COA1: variants seen among roughly 807,000 people sequenced by gnomAD.
COA1 encodes cytochrome c oxidase assembly factor 1.
COA1 carries 13 observed loss-of-function variants against 16.0 expected under a neutral mutation model. The observed-to-expected ratio is 0.81, with a 90% CI of 0.53 to 1.29. The LOEUF (loss-of-function observed/expected upper bound fraction) is 1.29. Ranked by LOEUF, COA1 falls within the 50% of genes most tolerant of loss-of-function variation. The pLI is 0.00. For missense variants in COA1, 179 were observed against 177.0 expected, an observed-to-expected ratio of 1.01 and a Z score of -0.06; for synonymous variants, 65 against 65.7, an observed-to-expected ratio of 0.99 and a Z score of 0.05.
At chr7:43,720,393 G>C (rs2095482405) in intron 1 of COA1, among the ~76,000 whole-genome samples, 1 of 152,052 alleles carries the variant, frequency 6.6e-6, no homozygotes, top group South Asian at 2.1e-4. Context: ...ATCTAAGTAT[G>C]ATGGACTAGA....
intron 1 of COA1, among the ~76,000 whole-genome samples, chr7:43,726,005 C>G (rs2095609876): frequency 6.6e-6 from 1 of 151,788 alleles, no homozygotes; most frequent in South Asian, 2.1e-4. Context: ...AACACAATAG[C>G]TACACTCAAC....
downstream of COA1, among the ~76,000 whole-genome samples, chr7:43,634,912 G>A (rs190819645): frequency 5.8e-4 from 89 of 152,272 alleles, no homozygotes; most frequent in African/African-American, 2.1e-3. Flanking sequence ...CAGGGAAATC[G>A]ATGCTGTGTT....
intron 1 of COA1, among the ~76,000 whole-genome samples, chr7:43,695,711 C>T (rs201161314): frequency 2.0e-5 from 3 of 150,842 alleles, no homozygotes; most frequent in Admixed American, 1.4e-4. Context: ...TCTGGTAAAA[C>T]CAAGAGTGAC....
At chr7:43,681,449 ATAT>A (rs1434590448) in intron 1 of COA1, among the ~76,000 whole-genome samples, 1 of 152,216 alleles carries the variant, frequency 6.6e-6, no homozygotes, top group Non-Finnish European at 1.5e-5. Flanking sequence ...ATCATATTCA[ATAT>A]TATTTTTAAG....
intron 3 of COA1, chr7:43,646,550 C>T (rs1445522928): frequency 6.6e-6 from 3 of 456,658 alleles, no homozygotes; most frequent in Admixed American, 4.7e-5. Context: ...CAGTCGGCTG[C>T]AGTGCCCAGG....
At chr7:43,723,011 G>GATAAT (rs1328173496) in intron 1 of COA1, among the ~76,000 whole-genome samples, 3 of 152,164 alleles carry the variant, frequency 2.0e-5, no homozygotes, top group Admixed American at 2.0e-4. Context: ...CATCTCTCCT[G>GATAAT]ATAATATACT....
At chr7:43,653,625 C>A (rs1165308974) in intron 1 of COA1, among the ~76,000 whole-genome samples, 1 of 152,068 alleles carries the variant, frequency 6.6e-6, no homozygotes, top group East Asian at 1.9e-4. Flanking sequence ...AATCACGAGG[C>A]AAGCTCCCTT....
intron 6 of COA1, among the ~76,000 whole-genome samples, chr7:43,630,384 G>A (rs1347571953): frequency 6.6e-6 from 1 of 152,090 alleles, no homozygotes; most frequent in Non-Finnish European, 1.5e-5. Flanking sequence ...CAGCAGAAAA[G>A]TATCTCAGTT....
chr7:43,708,888 T>C (rs1173386512), intron 1 of COA1, among the ~76,000 whole-genome samples: 1 of 152,220 alleles, frequency 6.6e-6, no homozygotes, highest in Non-Finnish European at 1.5e-5. Context: ...TTAAACATGA[T>C]TTTTGATAAG....
chr7:43,723,973 T>C (rs1407885381), intron 1 of COA1, among the ~76,000 whole-genome samples: 1 of 152,178 alleles, frequency 6.6e-6, no homozygotes, highest in Non-Finnish European at 1.5e-5. Context: ...TGTTTACAAT[T>C]TGGAAAACTA....
intron 1 of COA1, among the ~76,000 whole-genome samples, chr7:43,669,866 C>A (rs557998882): frequency 5.1e-4 from 77 of 152,036 alleles, no homozygotes; most frequent in African/African-American, 1.8e-3. Context: ...TTGGTTCACT[C>A]CCTGACGGAA....
chr7:43,608,462 A>C, exon 7 of COA1: 1 of 1,538,070 alleles, frequency 6.5e-7, no homozygotes, highest in Non-Finnish European at 8.8e-7. Context: ...TAAAATATTT[A>C]ACAGTGATTT....
intron 6 of COA1, chr7:43,625,522 G>A (rs2084410175): frequency 6.6e-6 from 1 of 152,008 alleles, no homozygotes; most frequent in Non-Finnish European, 1.5e-5. Flanking sequence ...ATTATTCTGG[G>A]TTTAGGTGTC....
intron 1 of COA1, among the ~76,000 whole-genome samples, chr7:43,709,424 CTTTG>C (rs912319879): frequency 5.0e-5 from 7 of 140,346 alleles, no homozygotes; most frequent in Non-Finnish European, 3.1e-5. Flanking sequence ...TCTTGATTCA[CTTTG>C]TTTTATTGTG....
chr7:43,686,836 C>A (rs1210470279), intron 1 of COA1, among the ~76,000 whole-genome samples: 28 of 152,124 alleles, frequency 1.8e-4, no homozygotes, highest in Admixed American at 1.8e-3. Context: ...ATGGTACTAC[C>A]CTATAATACA....
intron 1 of COA1, among the ~76,000 whole-genome samples, chr7:43,722,641 G>A (rs2132193977): frequency 6.6e-6 from 1 of 151,786 alleles, no homozygotes; most frequent in South Asian, 2.1e-4. Flanking sequence ...GATCTCAAGT[G>A]ATCCGACTGC....
At position 43,644,799 on chromosome 7, in the gene COA1, C is replaced by CAGAGAG. The variant is rs10627279; in HGVS notation, c.264+446_264+451dup. On this transcript the variant is annotated intron_variant, in intron 4 of 5. Coordinates refer to ENST00000223336, the MANE Select transcript of COA1 (RefSeq NM_018224.4). The stretch of plus-strand genomic sequence containing the variant: ...GCAGGCAGGCAGGCAGGCAGAGAGA[C>CAGAGAG]AGAGAGAGAGAGAGAGAGAGAGAGA... Among the ~76,000 whole-genome samples the CAGAGAG allele has an allele frequency of 1.9e-3, 141 of 75,294 alleles. 5 individuals carry two copies. The highest frequency in any genetic ancestry group is 0.013 in the Middle Eastern group (2 of 158). 49.4% of individuals were successfully genotyped at this position (75,294 alleles called of 152,430 possible).
chr7:43,636,991 C>A (rs1473037395), downstream of COA1, among the ~76,000 whole-genome samples: 1 of 152,218 alleles, frequency 6.6e-6, no homozygotes. Flanking sequence ...CTCATCTACA[C>A]GCTGTCCAAA....
intron 1 of COA1, among the ~76,000 whole-genome samples, chr7:43,668,215 C>T (rs1379650167): frequency 1.3e-5 from 2 of 152,210 alleles, no homozygotes; most frequent in African/African-American, 4.8e-5. Context: ...AAGAATGTCA[C>T]TTTCTAACAG....
Sources: allele counts gnomAD v4.1 joint callset (sites outside exome capture counted in the v4.1 genomes callset), GRCh38; gene constraint gnomAD v4.1.1; transcripts MANE v1.5; gene names NCBI Gene and HGNC (gene_info 2026-07-23, HGNC 2026-07-21).